RABGAP1L: variants seen among roughly 807,000 people sequenced by gnomAD.
The protein encoded by RABGAP1L is RAB GTPase activating protein 1 like, also known as rab GTPase-activating protein 1-like.
In RABGAP1L, 63 loss-of-function variants were observed where a neutral mutation model predicts 137.7. The observed-to-expected ratio is 0.46, with a 90% CI of 0.37 to 0.56. The LOEUF (loss-of-function observed/expected upper bound fraction) is 0.56. RABGAP1L is among the 20% of genes least tolerant of loss of function. The pLI, the probability that RABGAP1L is intolerant of heterozygous loss-of-function variation, is 0.00. For missense variants in RABGAP1L, 1,095 were observed against 1,244.0 expected (o/e 0.88, Z 1.80); for synonymous variants, 431 against 433.7 (o/e 0.99, Z 0.08).
chr1:174,463,753 A>G (rs1656980694), intron 13 of RABGAP1L, among the ~76,000 whole-genome samples: 1 of 152,124 alleles, frequency 6.6e-6, no homozygotes, highest in African/African-American at 2.4e-5. Flanking sequence ...AGTGCAAATC[A>G]AAACCACAAT....
intron 20 of RABGAP1L, among the ~76,000 whole-genome samples, chr1:174,959,453 C>A (rs1668891741): frequency 6.6e-6 from 1 of 152,038 alleles, no homozygotes; most frequent in Non-Finnish European, 1.5e-5. Context: ...GTCTTAAATC[C>A]TTTTTTGTGC....
chr1:174,349,450 C>T (rs1254164516), intron 11 of RABGAP1L, among the ~76,000 whole-genome samples: 4 of 121,040 alleles, frequency 3.3e-5, no homozygotes, highest in African/African-American at 6.3e-5. Flanking sequence ...GCTGGCCGGG[C>T]GTGGGGCTGA....
At chr1:174,486,776 T>C (rs1572016761) in intron 13 of RABGAP1L, among the ~76,000 whole-genome samples, 1 of 152,186 alleles carries the variant, frequency 6.6e-6, no homozygotes, top group Admixed American at 6.5e-5. Context: ...TAAGCTCTTA[T>C]GTCTATAAAC....
chr1:174,704,160 G>A (rs1443972254), intron 17 of RABGAP1L, among the ~76,000 whole-genome samples: 3 of 149,790 alleles, frequency 2.0e-5, no homozygotes, highest in East Asian at 1.9e-4. Flanking sequence ...ACCATGCCCA[G>A]CTAATTTTTT....
chr1:174,286,370 T>G (rs1401925129), intron 10 of RABGAP1L, among the ~76,000 whole-genome samples: 1 of 152,204 alleles, frequency 6.6e-6, no homozygotes, highest in Non-Finnish European at 1.5e-5. Flanking sequence ...TTCATAATAG[T>G]CTCTTATGAT....
chr1:174,498,654 G>A (rs1052453577), intron 13 of RABGAP1L, among the ~76,000 whole-genome samples: 51 of 149,932 alleles, frequency 3.4e-4, no homozygotes, highest in Non-Finnish European at 6.8e-4. Flanking sequence ...ATGCCACCAC[G>A]CCCGGCTAAA....
chr1:174,309,927 A>G (rs566424426), intron 11 of RABGAP1L, among the ~76,000 whole-genome samples: 1 of 152,268 alleles, frequency 6.6e-6, no homozygotes, highest in South Asian at 2.1e-4. Context: ...AAGTTTGAGA[A>G]CAGTTGGTAT....
intron 11 of RABGAP1L, among the ~76,000 whole-genome samples, chr1:174,339,108 A>C (rs1407225716): frequency 5.3e-5 from 8 of 152,232 alleles, no homozygotes; most frequent in South Asian, 2.1e-4. Flanking sequence ...TCTTTGGATT[A>C]GTGCTTCAAA....
At chr1:174,357,928 A>T (rs1024178502) in intron 11 of RABGAP1L, among the ~76,000 whole-genome samples, 5 of 152,226 alleles carry the variant, frequency 3.3e-5, no homozygotes, top group African/African-American at 1.2e-4. Context: ...ACATATAGTA[A>T]CTTGCTTATT....
At chr1:174,967,821 T>C (rs765518788) in intron 20 of RABGAP1L, among the ~76,000 whole-genome samples, 17 of 152,040 alleles carry the variant, frequency 1.1e-4, no homozygotes, top group Non-Finnish European at 1.3e-4. Flanking sequence ...AGAATTCTAT[T>C]GTGAATTTAT....
chr1:174,671,812 G>A (rs529559424), intron 14 of RABGAP1L, among the ~76,000 whole-genome samples: 14 of 152,238 alleles, frequency 9.2e-5, no homozygotes, highest in South Asian at 6.2e-4. Context: ...AGTAATGCTG[G>A]TCTAGCAGAA....
intron 1 of RABGAP1L, among the ~76,000 whole-genome samples, chr1:174,167,852 A>G (rs1247622887): frequency 6.6e-6 from 1 of 152,210 alleles, no homozygotes; most frequent in Non-Finnish European, 1.5e-5. Context: ...CTGTGCTTCA[A>G]GATGTCGTAA....
intron 17 of RABGAP1L, among the ~76,000 whole-genome samples, chr1:174,727,967 C>T (rs1467920430): frequency 6.6e-6 from 1 of 152,156 alleles, no homozygotes; most frequent in Non-Finnish European, 1.5e-5. Context: ...ACATTCCAGA[C>T]TAATTTCTTA....
intron 17 of RABGAP1L, among the ~76,000 whole-genome samples, chr1:174,712,079 C>T (rs1336448163): frequency 1.3e-5 from 2 of 152,174 alleles, no homozygotes; most frequent in Non-Finnish European, 2.9e-5. Context: ...TTTGTAAACA[C>T]GCCAGTCAGC....
At chr1:174,949,946 T>C (rs1010145050) in intron 19 of RABGAP1L, among the ~76,000 whole-genome samples, 3 of 152,152 alleles carry the variant, frequency 2.0e-5, no homozygotes, top group African/African-American at 7.2e-5. Flanking sequence ...TTTCAGAAGC[T>C]CTCAAAGATA....
At chr1:174,752,861 T>C (rs1181060689) in intron 18 of RABGAP1L, among the ~76,000 whole-genome samples, 1 of 152,226 alleles carries the variant, frequency 6.6e-6, no homozygotes, top group Non-Finnish European at 1.5e-5. Flanking sequence ...AATTACCTTG[T>C]TGGATTTTAT....
rs1044796505 is a variant in RABGAP1L, at chr1:174,851,676, C to CT, written c.2340+39729dup. Among the ~76,000 whole-genome samples the CT allele has an allele frequency of 3.0e-3, 433 of 143,096 alleles. 1 individual carries two copies. Among genetic ancestry groups the CT allele is most frequent in the African/African-American group, 7.7e-3 (302 of 39,242 alleles). 93.9% of individuals were successfully genotyped at this position (143,096 alleles called of 152,430 possible). ...TACAGACACGCACCACCATGCACAG[C>CT]TTTTTTTTTTTTTAATTTTTTTTGA... On this transcript the variant is annotated intron_variant, in intron 19 of 25. Transcript: ENST00000681986.
At chr1:174,876,062 TCTA>T (rs2149070236) in intron 19 of RABGAP1L, among the ~76,000 whole-genome samples, 1 of 152,340 alleles carries the variant, frequency 6.6e-6, no homozygotes, top group East Asian at 1.9e-4. Flanking sequence ...GTTGTAAAAC[TCTA>T]CTAATTACAT....
chr1:174,546,083 C>G (rs1190542393), intron 13 of RABGAP1L, among the ~76,000 whole-genome samples: 1 of 152,056 alleles, frequency 6.6e-6, no homozygotes, highest in Non-Finnish European at 1.5e-5. Flanking sequence ...TTAGATCTAG[C>G]CTGTAAACTC....
Sources: gnomAD v4.1 joint callset for allele counts (sites outside exome capture counted in the v4.1 genomes callset) on GRCh38, gnomAD v4.1.1 for gene constraint, MANE v1.5 for transcripts, NCBI Gene and HGNC (gene_info 2026-07-23, HGNC 2026-07-21) for gene names.